Variants in ADAM32 observed in about 807,000 individuals in gnomAD.
The protein encoded by ADAM32 is disintegrin and metalloproteinase domain-containing protein 32.
A neutral mutation model predicts 114.9 loss-of-function variants in ADAM32; 89 were observed. The ratio of observed to expected loss-of-function variants is 0.77; its 90% CI spans 0.65 to 0.92. The LOEUF is 0.92. Among genes scored for constraint, ADAM32 ranks in the 40% least tolerant of loss-of-function variants. ADAM32 has a pLI of 0.00. For missense variants in ADAM32, 870 were observed against 932.8 expected, an observed-to-expected ratio of 0.93 and a Z score of 0.88; for synonymous variants, 285 against 307.5, an observed-to-expected ratio of 0.93 and a Z score of 0.77.
At chr8:39,199,768 C>T (rs1459905862) in intron 11 of ADAM32, among the ~76,000 whole-genome samples, 3 of 149,972 alleles carry the variant, frequency 2.0e-5, no homozygotes, top group African/African-American at 7.4e-5. Flanking sequence ...CTATCCCCCC[C>T]ACCACCCCCC....
chr8:39,165,402 T>C, intron 9 of ADAM32: 1 of 428,842 alleles, frequency 2.3e-6, no homozygotes, highest in Non-Finnish European at 4.0e-6. Context: ...AAAGCTTTTA[T>C]AAATGAAGAC....
chr8:39,248,088 T>G (rs948277314), intron 17 of ADAM32, among the ~76,000 whole-genome samples: 1 of 152,222 alleles, frequency 6.6e-6, no homozygotes, highest in East Asian at 1.9e-4. Flanking sequence ...CCTCGATTAC[T>G]ACAGACTTAC....
At chr8:39,189,698 A>C (rs1408093528) in intron 11 of ADAM32, among the ~76,000 whole-genome samples, 1 of 152,182 alleles carries the variant, frequency 6.6e-6, no homozygotes, top group Non-Finnish European at 1.5e-5. Context: ...GCTATTGAAC[A>C]CTAGAACTTA....
At chr8:39,161,606 A>G (rs1028596054) in intron 7 of ADAM32, among the ~76,000 whole-genome samples, 3 of 152,186 alleles carry the variant, frequency 2.0e-5, no homozygotes, top group African/African-American at 7.2e-5. Flanking sequence ...GATTAAAAAT[A>G]TACTTTCTAG....
chr8:39,210,964 A>G (rs557108868), intron 11 of ADAM32, among the ~76,000 whole-genome samples, 180 bp from the exon 12 acceptor site: 3 of 152,300 alleles, frequency 2.0e-5, no homozygotes, highest in Admixed American at 6.5e-5. Context: ...TTTTATTAAG[A>G]ACATGTATTC....
At chr8:39,202,180 G>A (rs1442964786) in intron 11 of ADAM32, among the ~76,000 whole-genome samples, 1 of 152,086 alleles carries the variant, frequency 6.6e-6, no homozygotes, top group Non-Finnish European at 1.5e-5. Context: ...TTCTATTGAT[G>A]GGAATAGTTT....
At chr8:39,161,616 G>C (rs1585428088) in intron 7 of ADAM32, among the ~76,000 whole-genome samples, 1 of 152,100 alleles carries the variant, frequency 6.6e-6, no homozygotes, top group East Asian at 1.9e-4. Flanking sequence ...ATACTTTCTA[G>C]GTTTTATTCT....
intron 7 of ADAM32, among the ~76,000 whole-genome samples, chr8:39,164,196 G>C (rs969379773): frequency 1.3e-5 from 2 of 152,124 alleles, no homozygotes; most frequent in Non-Finnish European, 2.9e-5. Flanking sequence ...CTCCTTCTTT[G>C]TGATTTCACA....
chr8:39,115,143 T>C (rs1840323429), intron 1 of ADAM32, among the ~76,000 whole-genome samples: 1 of 152,244 alleles, frequency 6.6e-6, no homozygotes, highest in Non-Finnish European at 1.5e-5. Context: ...GTTGATTCCA[T>C]GTCTTTGCTA....
At chr8:39,174,369 TGTA>T (rs1805381524) in intron 10 of ADAM32, among the ~76,000 whole-genome samples, 1 of 152,220 alleles carries the variant, frequency 6.6e-6, no homozygotes, top group Non-Finnish European at 1.5e-5. Context: ...ACTGTAGCCT[TGTA>T]GTATAGTTTG....
Position 39,275,826 on chromosome 8 carries a change from A to T in ADAM32, c.2241-2A>T. ...AAGCATTACTTTTTCGCTTTCTTTT[A>T]GAACCAGATCAGAAAGCAGCAGTCA... is the stretch of plus-strand genomic sequence containing the variant. On this transcript the variant is annotated splice_acceptor_variant, in intron 21 of 24. Transcript: ENST00000379907. LOFTEE classifies it high-confidence loss of function. 6.4e-7 allele frequency: 1 copy of T among 1,557,462 alleles called. No homozygotes were observed. The highest frequency in any genetic ancestry group is 8.7e-7 in the Non-Finnish European group (1 of 1,149,988).
At position 39,122,271 on chromosome 8, in the gene ADAM32, C is replaced by A. The variant is rs543425912; in HGVS notation, c.138+4106C>A. On this transcript the variant is annotated intron_variant, in intron 2 of 24. Coordinates refer to ENST00000379907, the MANE Select transcript of ADAM32 (RefSeq NM_145004.7). ...AAGAATGTTATGAATTGAATTGTGT[C>A]CCCCGCCAAATCCATATGTTGAAAA... Among the ~76,000 whole-genome samples the A allele has an allele frequency of 2.6e-5, 4 of 152,216 alleles. No individual in the cohort carries two copies. The South Asian group carries it at 6.2e-4, about 24-fold the overall frequency.
intron 2 of ADAM32, among the ~76,000 whole-genome samples, chr8:39,135,569 T>C (rs1802750134): frequency 6.6e-6 from 1 of 152,204 alleles, no homozygotes; most frequent in African/African-American, 2.4e-5. Flanking sequence ...GTAAGGAAAC[T>C]ACTTTCTTTG....
At chr8:39,238,521 T>C (rs186539458) in intron 16 of ADAM32, among the ~76,000 whole-genome samples, 1 of 152,262 alleles carries the variant, frequency 6.6e-6, no homozygotes, top group Non-Finnish European at 1.5e-5. Context: ...AAAAACATGG[T>C]TCTATAACAC....
At chr8:39,209,023 C>T (rs1178537314) in intron 11 of ADAM32, among the ~76,000 whole-genome samples, 1 of 152,016 alleles carries the variant, frequency 6.6e-6, no homozygotes, top group Non-Finnish European at 1.5e-5. Flanking sequence ...ATGACTCTTA[C>T]ATTTGCTATC....
At chr8:39,257,017 C>T (rs948101921) in intron 18 of ADAM32, among the ~76,000 whole-genome samples, 170 bp from the exon 19 acceptor site, 3 of 151,914 alleles carry the variant, frequency 2.0e-5, no homozygotes, top group Admixed American at 2.0e-4. Context: ...TAGAATGAAA[C>T]GTTGTACAGG....
intron 1 of ADAM32, chr8:39,108,296 A>G (rs909410447): frequency 1.3e-5 from 2 of 152,424 alleles, no homozygotes; most frequent in African/African-American, 4.8e-5. Flanking sequence ...ATAAATTAAA[A>G]AAATTATTTT....
chr8:39,169,859 T>C (rs1805081518), intron 9 of ADAM32, 57 bp from the exon 10 acceptor site: 3 of 1,304,724 alleles, frequency 2.3e-6, no homozygotes, highest in Middle Eastern at 2.6e-4. Context: ...TTAGCAGGAA[T>C]TCTCATTTTT....
intron 3 of ADAM32, among the ~76,000 whole-genome samples, chr8:39,146,542 C>G (rs2129445373): frequency 6.6e-6 from 1 of 151,834 alleles, no homozygotes; most frequent in Middle Eastern, 3.4e-3. Flanking sequence ...TCCTGAGTAG[C>G]TAGGATTATA....
Sources: gnomAD v4.1 joint callset for allele counts (sites outside exome capture counted in the v4.1 genomes callset) on GRCh38, gnomAD v4.1.1 for gene constraint, MANE v1.5 for transcripts, NCBI Gene and HGNC (gene_info 2026-07-23, HGNC 2026-07-21) for gene names.